The following TNKS variants were observed in gnomAD, a reference collection of about 807,000 sequenced individuals.
TNKS encodes the protein poly [ADP-ribose] polymerase tankyrase-1.
TNKS carries 72 observed loss-of-function variants against 135.8 expected under a neutral mutation model. The ratio of observed to expected loss-of-function variants is 0.53; its 90% CI spans 0.44 to 0.64. The LOEUF (loss-of-function observed/expected upper bound fraction) is 0.64. TNKS is among the 30% of genes least tolerant of loss of function. The pLI, the probability that TNKS is intolerant of heterozygous loss-of-function variation, is 0.00. For synonymous variants in TNKS, 849 were observed against 649.3 expected (o/e 1.31, Z -4.68); for missense variants, 1,769 against 1,674.0 (o/e 1.06, Z -0.99).
intron 3 of TNKS, among the ~76,000 whole-genome samples, chr8:9,679,178 A>G (rs1006548077): frequency 3.3e-5 from 5 of 152,236 alleles, no homozygotes; most frequent in African/African-American, 1.2e-4. Flanking sequence ...GTAGTTAGAT[A>G]TCTGCTCATT....
intron 20 of TNKS, 56 bp downstream of exon 20, chr8:9,752,682 G>C: frequency 1.6e-6 from 2 of 1,252,812 alleles, no homozygotes; most frequent in South Asian, 1.3e-5. Context: ...GATTAGGCTG[G>C]ATGCAGTGGT....
intron 1 of TNKS, among the ~76,000 whole-genome samples, chr8:9,577,796 C>T (rs927925241): frequency 6.6e-6 from 1 of 152,118 alleles, no homozygotes; most frequent in Non-Finnish European, 1.5e-5. Context: ...TCATGCCTTC[C>T]CGATAGTCCC....
chr8:9,691,706 T>C (rs1438479911), intron 5 of TNKS, among the ~76,000 whole-genome samples: 1 of 152,230 alleles, frequency 6.6e-6, no homozygotes, highest in African/African-American at 2.4e-5. Flanking sequence ...ATAATGCACT[T>C]AGAAAAGTGC....
In TNKS at chr8:9,770,184, A is replaced by G. The variant is rs777321066; in HGVS notation, c.3819A>G (p.Pro1273=). The change falls in exon 26 of 27, where the codon CCA becomes CCG. Residue 1273 remains proline, a synonymous_variant. Coordinates refer to ENST00000310430, the MANE Select transcript of TNKS (RefSeq NM_003747.3). Reference sequence around the variant, plus strand: ...CCATGAAAATGGCCCACGCGCCTCCAGGGCACCACTCAGTCATTGGTAGAC... The same window carrying G: ...CCATGAAAATGGCCCACGCGCCTCCGGGGCACCACTCAGTCATTGGTAGAC... The part of the protein sequence containing the change: ...FSTMKMAHAP[P]GHHSVIGRPS... 38 of 1,613,368 alleles carry G rather than the reference A, an allele frequency of 2.4e-5. No homozygotes were observed. The Admixed American group carries it at 6.2e-4, about 26-fold the overall frequency.
chr8:9,584,341 T>C (rs2129054204), intron 2 of TNKS, among the ~76,000 whole-genome samples: 1 of 152,262 alleles, frequency 6.6e-6, no homozygotes, highest in South Asian at 2.1e-4. Flanking sequence ...CTTCTACTTC[T>C]TTGCAGTCAG....
At chr8:9,622,554 G>A (rs1585242610) in intron 3 of TNKS, among the ~76,000 whole-genome samples, 2 of 152,272 alleles carry the variant, frequency 1.3e-5, no homozygotes, top group South Asian at 4.1e-4. Flanking sequence ...TTTGGCTCCA[G>A]GATCAATGAG....
chr8:9,763,214 A>C lies in TNKS; in HGVS notation c.3342A>C (p.Glu1114Asp). Residue 1114 changes from glutamate to aspartate, a missense_variant, in exon 22 of 27, where the codon GAA becomes GAC. Transcript: ENST00000310430. Reference protein sequence around the residue: ...QGTILLDLAPEDKEYQSVEEE... With the variant: ...QGTILLDLAPDDKEYQSVEEE... ...CGATTTTGCTGGATCTTGCTCCAGA[A>C]GATAAAGAATATCAGTCAGTGGAAG... is the stretch of plus-strand genomic sequence containing the variant. The C allele has an allele frequency of 6.2e-7, 1 of 1,608,336 alleles. No individual in the cohort carries two copies. The highest frequency in any genetic ancestry group is 8.5e-7 in the Non-Finnish European group (1 of 1,176,176).
At chr8:9,693,251 A>G (rs2128802479) in intron 5 of TNKS, among the ~76,000 whole-genome samples, 1 of 152,328 alleles carries the variant, frequency 6.6e-6, no homozygotes, top group African/African-American at 2.4e-5. Flanking sequence ...TACAAAGAAT[A>G]AGACAGACAG....
chr8:9,704,608 G>C (rs1023296625), intron 5 of TNKS, 55 bp from the exon 6 acceptor site: 2 of 1,430,924 alleles, frequency 1.4e-6, no homozygotes, highest in Middle Eastern at 1.8e-4. Flanking sequence ...GGCAAAGCAA[G>C]GATTTTCTTT....
intron 1 of TNKS, among the ~76,000 whole-genome samples, chr8:9,578,943 TA>T (rs1373892501): frequency 6.6e-6 from 1 of 152,234 alleles, no homozygotes; most frequent in Non-Finnish European, 1.5e-5. Context: ...ATTAGTTTAA[TA>T]TTACCAATGG....
intron 2 of TNKS, among the ~76,000 whole-genome samples, chr8:9,607,976 G>T (rs371694704): frequency 9.0e-4 from 136 of 150,564 alleles, no homozygotes; most frequent in Non-Finnish European, 1.6e-3. Context: ...GTTTCACATT[G>T]TCATTCAAGT....
At chr8:9,657,240 G>C (rs1291530514) in intron 3 of TNKS, among the ~76,000 whole-genome samples, 2 of 124,376 alleles carry the variant, frequency 1.6e-5, no homozygotes, top group Admixed American at 1.5e-4. Context: ...GCGGCTGGCC[G>C]GGCGGGGGGC....
chr8:9,709,310 G>A (rs1804203779), intron 9 of TNKS, among the ~76,000 whole-genome samples: 1 of 152,172 alleles, frequency 6.6e-6, no homozygotes, highest in Non-Finnish European at 1.5e-5. Flanking sequence ...TGTTATGCTA[G>A]GAGATATTCA....
At position 9,775,250 on chromosome 8, in the gene TNKS, A is replaced by G; in HGVS notation, c.3898-1400A>G. On this transcript the variant is annotated intron_variant, in intron 26 of 26. Transcript: ENST00000310430. ...AAAAATTAAGTGTATGTCTTAAGAT[A>G]AAACTACAGATAGTTTCTTTTGTGA... Among the ~76,000 whole-genome samples the G allele has an allele frequency of 1.3e-5, 2 of 152,088 alleles. 1 individual carries two copies. The highest frequency in any genetic ancestry group is 4.2e-4 in the South Asian group (2 of 4,812).
chr8:9,687,222 C>G (rs191669720), intron 5 of TNKS, among the ~76,000 whole-genome samples: 154 of 152,228 alleles, frequency 1.0e-3, no homozygotes, highest in African/African-American at 3.5e-3. Flanking sequence ...TTTTATGGAT[C>G]CTAGCTCAGA....
intron 22 of TNKS, among the ~76,000 whole-genome samples, chr8:9,764,471 A>T (rs1193606686): frequency 6.6e-6 from 1 of 152,128 alleles, no homozygotes; most frequent in Non-Finnish European, 1.5e-5. Context: ...TGTGTTTTTT[A>T]ATATGTTTCC....
intron 18 of TNKS, among the ~76,000 whole-genome samples, chr8:9,748,507 T>A (rs1290367628): frequency 6.6e-6 from 1 of 152,200 alleles, no homozygotes; most frequent in Non-Finnish European, 1.5e-5. Flanking sequence ...GTAAAATATC[T>A]TGTACCTTCT....
Position 9,662,495 on chromosome 8 carries a change from A to C in TNKS, c.995-17456A>C, listed in dbSNP as rs141658628. On this transcript the variant is annotated intron_variant, in intron 3 of 26. Transcript: ENST00000310430. ...TCATTCTCAGCAAACTATCGCAAGGACAAAAAACCAAACACCGTATGTTCT... is the reference window on the plus strand; with the variant it reads ...TCATTCTCAGCAAACTATCGCAAGGCCAAAAAACCAAACACCGTATGTTCT... Among the ~76,000 whole-genome samples, 1,161 of 152,282 alleles carry C rather than the reference A, an allele frequency of 7.6e-3. 10 individuals are homozygous for C. Among genetic ancestry groups the C allele is most frequent in the Middle Eastern group, 0.014 (4 of 294 alleles).
chr8:9,716,744 C>T (rs1226290134), intron 11 of TNKS, among the ~76,000 whole-genome samples: 1 of 151,792 alleles, frequency 6.6e-6, no homozygotes, highest in Admixed American at 6.6e-5. Flanking sequence ...GGTTTCTTTT[C>T]TCTGCCAGTG....
Sources: allele counts gnomAD v4.1 joint callset (sites outside exome capture counted in the v4.1 genomes callset), GRCh38; gene constraint gnomAD v4.1.1; transcripts MANE v1.5; gene names NCBI Gene and HGNC (gene_info 2026-07-23, HGNC 2026-07-21).